The following RASGRF2 variants were observed in gnomAD, a reference collection of about 807,000 sequenced individuals.
RASGRF2 encodes the protein Ras protein specific guanine nucleotide releasing factor 2, also known as ras-specific guanine nucleotide-releasing factor 2.
In RASGRF2, 76 loss-of-function variants were observed where a neutral mutation model predicts 151.0. The observed-to-expected ratio is 0.50, with a 90% CI of 0.42 to 0.61. The LOEUF is 0.61. Ranked by LOEUF, RASGRF2 falls within the 20% of genes least tolerant of loss-of-function variation. The probability of loss-of-function intolerance (pLI) is 0.00; values close to 1 mark genes in which losing one functional copy is unlikely to be tolerated. For synonymous variants in RASGRF2, 504 were observed against 566.5 expected, an observed-to-expected ratio of 0.89 and a Z score of 1.57; for missense variants, 1,148 against 1,564.6, an observed-to-expected ratio of 0.73 and a Z score of 4.49.
At position 81,217,563 on chromosome 5, in the gene RASGRF2, T is replaced by G. The variant is rs931028050; in HGVS notation, c.3552+90T>G. ...TAATAAAAGTCAATGTCTGCTTTTT[T>G]TTTTTCTCTTCTTTTTTTTTTTTTT... On this transcript the variant is annotated intron_variant, in intron 25 of 26. Transcript: ENST00000265080. 6.3e-6 allele frequency: 6 copies of G among 950,186 alleles called. No homozygotes were observed. The African/African-American group carries it at 1.0e-4, about 17-fold the overall frequency. The allele number at this position is 950,186 out of a possible 1,614,324, so 58.9% of individuals were successfully genotyped here.
intron 2 of RASGRF2, among the ~76,000 whole-genome samples, chr5:81,062,023 A>T (rs1355776454): frequency 6.6e-6 from 1 of 151,234 alleles, no homozygotes; most frequent in Non-Finnish European, 1.5e-5. Flanking sequence ...AAAAAAAAAA[A>T]ACTGTAGAGA....
chr5:81,052,732 T>C (rs978834702), intron 2 of RASGRF2, among the ~76,000 whole-genome samples: 1 of 152,144 alleles, frequency 6.6e-6, no homozygotes, highest in Admixed American at 6.6e-5. Flanking sequence ...TGAGTAAAGA[T>C]AGAGAAACTG....
At chr5:80,973,684 T>A (rs1049913208) in intron 1 of RASGRF2, among the ~76,000 whole-genome samples, 3 of 152,204 alleles carry the variant, frequency 2.0e-5, no homozygotes, top group Non-Finnish European at 4.4e-5. Flanking sequence ...CAGGTCTCTA[T>A]GATACTCCAT....
At chr5:80,997,047 A>C (rs1748908140) in intron 1 of RASGRF2, 1 of 152,232 alleles carries the variant, frequency 6.6e-6, no homozygotes, top group Non-Finnish European at 1.5e-5. Context: ...TTTTCAGCCA[A>C]TATTACAAAA....
intron 18 of RASGRF2, among the ~76,000 whole-genome samples, chr5:81,194,781 C>G (rs1466085322): frequency 3.9e-5 from 6 of 152,188 alleles, no homozygotes; most frequent in Non-Finnish European, 8.8e-5. Context: ...TCAAGCCTCT[C>G]TTGGTTTCTT....
intron 18 of RASGRF2, among the ~76,000 whole-genome samples, chr5:81,195,550 T>G (rs1046772541): frequency 2.7e-5 from 4 of 150,402 alleles, no homozygotes; most frequent in African/African-American, 9.9e-5. Flanking sequence ...TTTCTTTTAC[T>G]TCTTGAGATT....
At chr5:80,984,735 T>C (rs1748423641) in intron 1 of RASGRF2, among the ~76,000 whole-genome samples, 1 of 152,234 alleles carries the variant, frequency 6.6e-6, no homozygotes, top group African/African-American at 2.4e-5. Context: ...CTCATTAGAA[T>C]GTTGTCATTA....
At chr5:80,994,198 T>C (rs1323932622) in intron 1 of RASGRF2, among the ~76,000 whole-genome samples, 2 of 151,816 alleles carry the variant, frequency 1.3e-5, no homozygotes, top group Non-Finnish European at 2.9e-5. Context: ...ACCCCGTCTC[T>C]AATAAAAATA....
At chr5:81,116,114 A>G (rs1753148636) in intron 15 of RASGRF2, among the ~76,000 whole-genome samples, 1 of 104,852 alleles carries the variant, frequency 9.5e-6, no homozygotes, top group African/African-American at 3.8e-5. Flanking sequence ...ATGGAGTCTC[A>G]CTCTGTCTCC....
intron 17 of RASGRF2, among the ~76,000 whole-genome samples, chr5:81,176,889 G>A (rs1440856908): frequency 2.6e-5 from 4 of 152,144 alleles, no homozygotes; most frequent in African/African-American, 9.7e-5. Context: ...GGCAGAGGCA[G>A]ACAAGTTTCT....
rs1753080486 is a variant in RASGRF2, at chr5:81,113,995, C to T, written c.2470+75C>T. ...TGCCTCCTCACCCTTCCTTTTGGAA[C>T]ACTGGTTCCCTTTCTTTACAACTGT... On this transcript the variant is annotated intron_variant, in intron 15 of 26. Coordinates refer to ENST00000265080, the MANE Select transcript of RASGRF2 (RefSeq NM_006909.3). 8 of 1,480,972 alleles carry T rather than the reference C, an allele frequency of 5.4e-6. No homozygotes were observed. In the South Asian group the frequency reaches 9.2e-5, roughly 17 times the overall value. 91.7% of individuals were successfully genotyped at this position (1,480,972 alleles called of 1,614,324 possible). A position where few individuals can be genotyped will look rare whatever the true frequency, so the allele number is the denominator to read the frequency against.
At chr5:81,175,971 G>T (rs1754765942) in intron 17 of RASGRF2, among the ~76,000 whole-genome samples, 1 of 152,080 alleles carries the variant, frequency 6.6e-6, no homozygotes, top group Non-Finnish European at 1.5e-5. Flanking sequence ...CAAGAGACAT[G>T]CCTGTAGCAG....
intron 17 of RASGRF2, among the ~76,000 whole-genome samples, chr5:81,154,954 TG>T (rs1189875941): frequency 6.6e-6 from 1 of 152,224 alleles, no homozygotes; most frequent in East Asian, 1.9e-4. Flanking sequence ...TATTATTTTT[TG>T]TCTTTTTGAT....
At chr5:81,045,011 C>T (rs1487359095) in intron 2 of RASGRF2, among the ~76,000 whole-genome samples, 2 of 152,142 alleles carry the variant, frequency 1.3e-5, no homozygotes, top group Non-Finnish European at 2.9e-5. Flanking sequence ...GAGCTTGCCA[C>T]GAGTCATCAT....
chr5:81,058,921 C>G (rs1247234090), intron 2 of RASGRF2, among the ~76,000 whole-genome samples: 1 of 151,528 alleles, frequency 6.6e-6, no homozygotes, highest in Admixed American at 6.6e-5. Context: ...TTGACAATGA[C>G]ATTGAATCAT....
intron 24 of RASGRF2, among the ~76,000 whole-genome samples, chr5:81,216,400 CAGAG>C (rs34117610): frequency 0.093 from 13,895 of 149,962 alleles, 671 homozygotes; most frequent in Middle Eastern, 0.2. Context: ...CACACACACG[CAGAG>C]AGAGAGAGAG....
rs1055863256 is a variant in RASGRF2, at chr5:81,188,261, G to A, written c.2793+7980G>A. ...TGCAAGGCAATCTCAGCATATGGGG[G>A]CCTGACCTTTGAGATCTTTATAGGA... On this transcript the variant is annotated intron_variant, in intron 18 of 26. Transcript: ENST00000265080. 8.5e-5 allele frequency among the ~76,000 whole-genome samples: 13 copies of A among 152,314 alleles called. No individual in the cohort carries two copies. In the Middle Eastern group the frequency reaches 0.014, roughly 159 times the overall value.
intron 9 of RASGRF2, 67 bp downstream of exon 9, chr5:81,087,020 C>T: frequency 6.4e-6 from 9 of 1,411,348 alleles, no homozygotes; most frequent in Admixed American, 1.7e-5. Flanking sequence ...CTCGGCACAC[C>T]CCGGAAGGCG....
At chr5:80,961,629 A>G (rs1000512940) in intron 1 of RASGRF2, among the ~76,000 whole-genome samples, 13 of 152,204 alleles carry the variant, frequency 8.5e-5, no homozygotes, top group African/African-American at 3.1e-4. Context: ...GTGTATTCAT[A>G]TTCCTCAGGA....
Sources: allele counts gnomAD v4.1 joint callset (sites outside exome capture counted in the v4.1 genomes callset), GRCh38; gene constraint gnomAD v4.1.1; transcripts MANE v1.5; gene names NCBI Gene and HGNC (gene_info 2026-07-23, HGNC 2026-07-21).